PIK3C2G: variants seen among roughly 807,000 people sequenced by gnomAD.
PIK3C2G encodes the protein phosphatidylinositol 3-kinase C2 domain-containing subunit gamma.
In PIK3C2G, 168 loss-of-function variants were observed where a neutral mutation model predicts 181.1. The observed-to-expected ratio is 0.93, with a 90% CI of 0.82 to 1.05. The LOEUF (loss-of-function observed/expected upper bound fraction) is 1.05. PIK3C2G is among the 50% of genes least tolerant of loss of function. The pLI, the probability that PIK3C2G is intolerant of heterozygous loss-of-function variation, is 0.00. For missense variants in PIK3C2G, 1,869 were observed against 1,732.8 expected (o/e 1.08, Z -1.40); for synonymous variants, 573 against 592.2 (o/e 0.97, Z 0.47).
At chr12:18,464,597 A>G (rs533878358) in intron 18 of PIK3C2G, among the ~76,000 whole-genome samples, 1 of 152,188 alleles carries the variant, frequency 6.6e-6, no homozygotes, top group South Asian at 2.1e-4. Context: ...AATGACTTTA[A>G]TTATTCCAAT....
intron 1 of PIK3C2G, among the ~76,000 whole-genome samples, chr12:18,281,716 G>T (rs1393421897): frequency 6.6e-6 from 1 of 151,948 alleles, no homozygotes; most frequent in African/African-American, 2.4e-5. Flanking sequence ...ATATTCAATA[G>T]AAAAAGAGAA....
the PIK3C2G span, among the ~76,000 whole-genome samples, chr12:18,661,119 A>G: frequency 2.0e-5 from 3 of 152,124 alleles, no homozygotes; most frequent in Non-Finnish European, 2.9e-5. Context: ...GGGAATAGCA[A>G]TAAAGATTTA....
At chr12:18,615,369 G>A (rs76012788) in intron 31 of PIK3C2G, among the ~76,000 whole-genome samples, 18 of 70,706 alleles carry the variant, frequency 2.5e-4, no homozygotes, top group Admixed American at 1.1e-3. Context: ...GTGTGTGTGT[G>A]TATGTGTATA....
the PIK3C2G span, among the ~76,000 whole-genome samples, chr12:18,668,432 G>A: frequency 6.6e-6 from 1 of 152,128 alleles, no homozygotes; most frequent in African/African-American, 2.4e-5. Flanking sequence ...AAATCAAATG[G>A]AACCCAACCT....
chr12:18,718,024 A>G, the PIK3C2G span, among the ~76,000 whole-genome samples: 1 of 152,030 alleles, frequency 6.6e-6, no homozygotes, highest in Admixed American at 6.6e-5. Flanking sequence ...CCAAAACTCT[A>G]TGGTGTCCTG....
chr12:18,613,770 T>C (rs546263356), intron 31 of PIK3C2G, among the ~76,000 whole-genome samples: 1 of 152,142 alleles, frequency 6.6e-6, no homozygotes, highest in Non-Finnish European at 1.5e-5. Context: ...TGGACCACTT[T>C]GAAAAAATAA....
At chr12:18,354,553 A>G (rs1378358029) in intron 11 of PIK3C2G, among the ~76,000 whole-genome samples, 1 of 152,226 alleles carries the variant, frequency 6.6e-6, no homozygotes, top group East Asian at 1.9e-4. Flanking sequence ...GCCTGCACAT[A>G]TGGGGTCTCA....
chr12:18,330,932 T>C (rs1309322499), intron 8 of PIK3C2G, among the ~76,000 whole-genome samples: 1 of 152,200 alleles, frequency 6.6e-6, no homozygotes, highest in African/African-American at 2.4e-5. Context: ...TTATTTTTAC[T>C]TTACAGTTTA....
At chr12:18,640,677 C>T in intron 32 of PIK3C2G, 123 bp downstream of exon 32, 3 of 886,634 alleles carry the variant, frequency 3.4e-6, no homozygotes, top group Non-Finnish European at 5.2e-6. Flanking sequence ...AAGATATTTT[C>T]CAAAGTAGTC....
At chr12:18,433,483 G>A (rs965982578) in intron 18 of PIK3C2G, among the ~76,000 whole-genome samples, 1 of 152,036 alleles carries the variant, frequency 6.6e-6, no homozygotes, top group Non-Finnish European at 1.5e-5. Flanking sequence ...CCGAGATCAC[G>A]CCATTGCACT....
chr12:18,590,739 A>G (rs1947036239), intron 29 of PIK3C2G, among the ~76,000 whole-genome samples: 1 of 151,948 alleles, frequency 6.6e-6, no homozygotes, highest in African/African-American at 2.4e-5. Flanking sequence ...CAGTAATATT[A>G]CTTTTTGTAC....
At chr12:18,367,854 G>A (rs371403758) in intron 12 of PIK3C2G, among the ~76,000 whole-genome samples, 7 of 152,278 alleles carry the variant, frequency 4.6e-5, no homozygotes, top group East Asian at 3.9e-4. Context: ...ACCCCTGGCT[G>A]AGACTGGATA....
At chr12:18,486,157 C>T (rs1177926948) in intron 18 of PIK3C2G, among the ~76,000 whole-genome samples, 1 of 152,154 alleles carries the variant, frequency 6.6e-6, no homozygotes, top group Non-Finnish European at 1.5e-5. Flanking sequence ...CAAAAACAAA[C>T]TCTCTACACA....
At chr12:18,496,959 T>C (rs1190121142) in intron 21 of PIK3C2G, among the ~76,000 whole-genome samples, 2 of 152,176 alleles carry the variant, frequency 1.3e-5, no homozygotes, top group Admixed American at 6.5e-5. Context: ...ATTTAGAAAG[T>C]GTTTTCAAAA....
At chr12:18,673,984 GTATTC>G in the PIK3C2G span, among the ~76,000 whole-genome samples, 1 of 152,188 alleles carries the variant, frequency 6.6e-6, no homozygotes, top group Non-Finnish European at 1.5e-5. Context: ...TCATGTTGCT[GTATTC>G]TATTGGATAA....
At chr12:18,374,383 A>G (rs1942289184) in intron 13 of PIK3C2G, among the ~76,000 whole-genome samples, 1 of 152,178 alleles carries the variant, frequency 6.6e-6, no homozygotes, top group Non-Finnish European at 1.5e-5. Flanking sequence ...TATCTTCAAA[A>G]TCATAACCAA....
chr12:18,688,989 GAGA>G, the PIK3C2G span, among the ~76,000 whole-genome samples: 1 of 150,968 alleles, frequency 6.6e-6, no homozygotes, highest in Non-Finnish European at 1.5e-5. Context: ...GAAGGAGGGA[GAGA>G]AGGAGTAGAA....
At chr12:18,707,073 T>C in the PIK3C2G span, among the ~76,000 whole-genome samples, 1 of 152,202 alleles carries the variant, frequency 6.6e-6, no homozygotes, top group East Asian at 1.9e-4. Context: ...CAAATCTCTC[T>C]CTACTTCCTT....
chr12:18,704,833 C>T, the PIK3C2G span, among the ~76,000 whole-genome samples: 3 of 151,974 alleles, frequency 2.0e-5, no homozygotes, highest in African/African-American at 7.2e-5. Context: ...TATTTATAGT[C>T]TAGAACTTTT....
Sources: allele counts gnomAD v4.1 joint callset (sites outside exome capture counted in the v4.1 genomes callset), GRCh38; gene constraint gnomAD v4.1.1; transcripts MANE v1.5; gene names NCBI Gene and HGNC (gene_info 2026-07-23, HGNC 2026-07-21).